CADPS: variants seen among roughly 807,000 people sequenced by gnomAD.
CADPS encodes the protein calcium dependent secretion activator.
A neutral mutation model predicts 167.3 loss-of-function variants in CADPS; 57 were observed. The observed-to-expected ratio is 0.34, with a 90% CI of 0.28 to 0.42. The LOEUF (loss-of-function observed/expected upper bound fraction) is 0.42. CADPS is among the 20% of genes least tolerant of loss of function. CADPS has a pLI of 1.00. For missense variants in CADPS, 1,414 were observed against 1,738.1 expected, an observed-to-expected ratio of 0.81 and a Z score of 3.32; for synonymous variants, 676 against 635.3, an observed-to-expected ratio of 1.06 and a Z score of -0.96.
intron 28 of CADPS, among the ~76,000 whole-genome samples, chr3:62,427,264 A>G (rs2052941534): frequency 6.6e-6 from 1 of 152,112 alleles, no homozygotes; most frequent in Non-Finnish European, 1.5e-5. Context: ...TTTAGCTCCT[A>G]AAAACATGTT....
rs142969773 is a variant in CADPS at position 62,423,039 on chromosome 3, T to C, written c.3777+15065A>G. Reference sequence around the variant, plus strand: ...AGATCTTAGAACACAGAGGGAGAGATAGACTGAAAGCTGAGACCTACCCCT... The same window carrying C: ...AGATCTTAGAACACAGAGGGAGAGACAGACTGAAAGCTGAGACCTACCCCT... On this transcript the variant is annotated intron_variant, in intron 28 of 29. Transcript: ENST00000383710. Among the ~76,000 whole-genome samples, 3 of 152,230 alleles carry C rather than the reference T, an allele frequency of 2.0e-5. No homozygotes were observed. The East Asian group carries it at 5.8e-4, about 29-fold the overall frequency.
intron 3 of CADPS, among the ~76,000 whole-genome samples, chr3:62,662,674 G>A (rs1456982023): frequency 6.6e-6 from 1 of 152,132 alleles, no homozygotes; most frequent in Non-Finnish European, 1.5e-5. Context: ...TTCTAATGAG[G>A]ACCAATGCAC....
At chr3:62,644,786 T>C (rs771982026) in intron 6 of CADPS, among the ~76,000 whole-genome samples, 1 of 152,238 alleles carries the variant, frequency 6.6e-6, no homozygotes, top group Non-Finnish European at 1.5e-5. Flanking sequence ...ATGCCTCATA[T>C]GTCCTAAGGA....
chr3:62,510,195 T>C (rs1201783416), intron 17 of CADPS, among the ~76,000 whole-genome samples: 1 of 137,884 alleles, frequency 7.3e-6, no homozygotes, highest in Non-Finnish European at 1.5e-5. Flanking sequence ...TTTCTGCATC[T>C]ATCTATCTAT....
chr3:62,529,844 C>T (rs1317385577), intron 13 of CADPS, among the ~76,000 whole-genome samples: 1 of 152,144 alleles, frequency 6.6e-6, no homozygotes, highest in Non-Finnish European at 1.5e-5. Context: ...GGTAGCTTGG[C>T]AATGCCAGGA....
At chr3:62,493,835 A>G (rs1442277951) in intron 18 of CADPS, among the ~76,000 whole-genome samples, 170 bp from the exon 19 acceptor site, 1 of 152,334 alleles carries the variant, frequency 6.6e-6, no homozygotes, top group Non-Finnish European at 1.5e-5. Flanking sequence ...AGCCTAACTT[A>G]TTGGACTTTC....
Position 62,492,283 on chromosome 3 carries a change from T to C in CADPS, c.2884+7A>G. 1 of 1,613,302 alleles carries C rather than the reference T, an allele frequency of 6.2e-7. No individual in the cohort carries two copies. Among genetic ancestry groups the C allele is most frequent in the South Asian group, 1.1e-5 (1 of 91,026 alleles). On this transcript the variant is annotated splice_region_variant and intron_variant, in intron 20 of 29. Coordinates refer to ENST00000383710, the MANE Select transcript of CADPS (RefSeq NM_003716.4). ...AGGAAAGTCAAACAGTCAAAGGTAA[T>C]ACATACAGTCAGTACGGAGAAAATC...
rs977613595 is a variant in CADPS, at chr3:62,601,609, T to C, written c.1326-8861A>G. ...AGCTCTTTCTAGCACTCTTAGTTTATTAGAAAATTGGGGCTTGTGTATCAT... is the reference window on the plus strand; with the variant it reads ...AGCTCTTTCTAGCACTCTTAGTTTACTAGAAAATTGGGGCTTGTGTATCAT... On this transcript the variant is annotated intron_variant, in intron 6 of 29. Transcript: ENST00000383710. The surrounding 1 kb of genome is among the most constrained non-coding windows in gnomAD (Gnocchi z 4.3). Among the ~76,000 whole-genome samples the C allele has an allele frequency of 6.6e-6, 1 of 152,192 alleles. No homozygotes were observed. The highest frequency in any genetic ancestry group is 2.4e-5 in the African/African-American group (1 of 41,444).
Position 62,404,882 on chromosome 3 carries a change from G to A in CADPS, c.3778-1697C>T, listed in dbSNP as rs368926471. 6 of 151,722 alleles carry A rather than the reference G, an allele frequency of 4.0e-5. No individual in the cohort carries two copies. In the South Asian group the frequency reaches 6.2e-4, roughly 16 times the overall value. The allele number at this position is 151,722 out of a possible 1,614,324, so 9.4% of individuals were successfully genotyped here. On this transcript the variant is annotated intron_variant, in intron 28 of 29. Coordinates refer to ENST00000383710, the MANE Select transcript of CADPS (RefSeq NM_003716.4). ...GGCATGGACAGGTTTTCCCCTCTAG[G>A]GGTGAGAACATTTTACTGAAAATTT...
At chr3:62,852,890 T>C (rs560499540) in intron 1 of CADPS, among the ~76,000 whole-genome samples, 95 of 152,308 alleles carry the variant, frequency 6.2e-4, no homozygotes, top group African/African-American at 1.2e-3. Flanking sequence ...AAACATAAAA[T>C]AACTCAGATC....
chr3:62,758,461 T>C (rs2084548231), intron 2 of CADPS, among the ~76,000 whole-genome samples: 1 of 152,210 alleles, frequency 6.6e-6, no homozygotes, highest in Admixed American at 6.5e-5. Context: ...ACATCATCTG[T>C]CTTGGCTTCT....
At chr3:62,548,313 A>C (rs181782787) in intron 11 of CADPS, among the ~76,000 whole-genome samples, 32 of 152,324 alleles carry the variant, frequency 2.1e-4, no homozygotes, top group Non-Finnish European at 2.8e-4. Context: ...AGTAAACCTA[A>C]GTGCAGGAAG....
intron 28 of CADPS, among the ~76,000 whole-genome samples, chr3:62,415,433 C>T (rs1028831626): frequency 3.3e-5 from 5 of 152,068 alleles, no homozygotes; most frequent in African/African-American, 1.2e-4. Context: ...CCACAGCTCG[C>T]CCCAGGGGTG....
intron 2 of CADPS, among the ~76,000 whole-genome samples, chr3:62,759,821 T>G (rs1022804208): frequency 6.6e-6 from 1 of 152,224 alleles, no homozygotes; most frequent in Non-Finnish European, 1.5e-5. Context: ...ATAGTGGGCA[T>G]GTTTTACTTT....
chr3:62,651,153 A>C, intron 4 of CADPS, 73 bp from the exon 5 acceptor site: 29 of 966,890 alleles, frequency 3.0e-5, no homozygotes, highest in Non-Finnish European at 4.2e-5. Flanking sequence ...TCTTTGTCCC[A>C]TGGCCCAGAG....
At chr3:62,539,918 G>A (rs779461261) in intron 11 of CADPS, among the ~76,000 whole-genome samples, 1 of 152,254 alleles carries the variant, frequency 6.6e-6, no homozygotes, top group East Asian at 1.9e-4. Context: ...TATGAGGCAG[G>A]TTGCTTAATG....
At chr3:62,673,776 G>T (rs1043310682) in intron 3 of CADPS, among the ~76,000 whole-genome samples, 1 of 152,100 alleles carries the variant, frequency 6.6e-6, no homozygotes, top group Non-Finnish European at 1.5e-5. Context: ...TTCAAAACAA[G>T]CCAGAGGTGA....
chr3:62,544,551 T>C lies in CADPS; in HGVS notation c.1966+5352A>G, dbSNP rs533487564. On this transcript the variant is annotated intron_variant, in intron 11 of 29. Coordinates refer to ENST00000383710, the MANE Select transcript of CADPS (RefSeq NM_003716.4). The surrounding 1 kb of genome is among the most constrained non-coding windows in gnomAD (Gnocchi z 4.4). ...GGCATTATTTGCCATTTTGTTGTGA[T>C]GTTAATTAATATTCTTGGAATGAAA... Among the ~76,000 whole-genome samples, 2 of 152,310 alleles carry C rather than the reference T, an allele frequency of 1.3e-5. No homozygotes were observed. Among genetic ancestry groups the C allele is most frequent in the African/African-American group, 4.8e-5 (2 of 41,584 alleles).
At chr3:62,748,717 A>T (rs1021664334) in intron 3 of CADPS, among the ~76,000 whole-genome samples, 36 of 152,088 alleles carry the variant, frequency 2.4e-4, no homozygotes, top group African/African-American at 8.7e-4. Flanking sequence ...TCACTTAAAA[A>T]TTTTTTTTGA....
Sources: gnomAD v4.1 joint callset for allele counts (sites outside exome capture counted in the v4.1 genomes callset) on GRCh38, gnomAD v4.1.1 for gene constraint, Gnocchi (gnomAD v3.1) non-coding constraint, MANE v1.5 for transcripts, NCBI Gene and HGNC (gene_info 2026-07-23, HGNC 2026-07-21) for gene names.